Variants in ARHGAP25 observed in about 807,000 individuals in gnomAD.
ARHGAP25 encodes the protein Rho GTPase activating protein 25, also known as rho GTPase-activating protein 25.
ARHGAP25 carries 34 observed loss-of-function variants against 71.0 expected under a neutral mutation model. That is an observed-to-expected ratio of 0.48 (90% CI 0.36 to 0.64). ARHGAP25 has a LOEUF of 0.64. ARHGAP25 is among the 30% of genes least tolerant of loss of function. The pLI, the probability that ARHGAP25 is intolerant of heterozygous loss-of-function variation, is 0.00. For synonymous variants in ARHGAP25, 282 were observed against 296.5 expected (o/e 0.95, Z 0.50); for missense variants, 706 against 805.1 (o/e 0.88, Z 1.49).
At chr2:68,802,271 G>C (rs1447193354) in intron 4 of ARHGAP25, among the ~76,000 whole-genome samples, 1 of 151,930 alleles carries the variant, frequency 6.6e-6, no homozygotes, top group East Asian at 1.9e-4. Context: ...ATCCAGGTGT[G>C]GTGGCACGTG....
At chr2:68,801,538 A>G (rs1423424377) in intron 4 of ARHGAP25, among the ~76,000 whole-genome samples, 1 of 152,202 alleles carries the variant, frequency 6.6e-6, no homozygotes, top group Non-Finnish European at 1.5e-5. Context: ...TAAAATGTAA[A>G]GGCCATTGGT....
At position 68,767,259 on chromosome 2, in the gene ARHGAP25, A is replaced by G. The variant is rs1178993671; in HGVS notation, c.62-7962A>G. Among the ~76,000 whole-genome samples, 1 of 152,064 alleles carries G rather than the reference A, an allele frequency of 6.6e-6. No homozygotes were observed. The highest frequency in any genetic ancestry group is 6.5e-5 in the Admixed American group (1 of 15,270). ...TCAAAAGAATGATGGGTGCTTTTCA[A>G]TGGGGGGGTGGCGTTTGCTTTGAAG... On this transcript the variant is annotated intron_variant, in intron 1 of 10. Transcript: ENST00000409202. The surrounding 1 kb of genome is among the most constrained non-coding windows in gnomAD (Gnocchi z 4.6).
chr2:68,806,671 A>C (rs746810428), intron 4 of ARHGAP25, among the ~76,000 whole-genome samples: 1 of 152,246 alleles, frequency 6.6e-6, no homozygotes, highest in Non-Finnish European at 1.5e-5. Flanking sequence ...ACTCAGAATG[A>C]CATGCAATTT....
chr2:68,740,111 A>G (rs1573402221), intron 1 of ARHGAP25, among the ~76,000 whole-genome samples: 1 of 152,174 alleles, frequency 6.6e-6, no homozygotes, highest in African/African-American at 2.4e-5. Flanking sequence ...GGGCAGAGAC[A>G]AGGAAACAAC....
intron 2 of ARHGAP25, among the ~76,000 whole-genome samples, chr2:68,714,463 GTTTCTCC>G (rs1280842393): frequency 6.6e-6 from 1 of 152,028 alleles, no homozygotes; most frequent in Non-Finnish European, 1.5e-5. Context: ...TTGTTGAAGG[GTTTCTCC>G]TGTATCTATC....
chr2:68,734,519 C>T (rs905987917), upstream of ARHGAP25, among the ~76,000 whole-genome samples: 10 of 152,128 alleles, frequency 6.6e-5, no homozygotes, highest in African/African-American at 2.4e-4. Flanking sequence ...TGGGGGAATG[C>T]TTGTTGTTTT....
At chr2:68,783,284 A>G (rs747079689) in intron 3 of ARHGAP25, among the ~76,000 whole-genome samples, 1 of 152,222 alleles carries the variant, frequency 6.6e-6, no homozygotes, top group African/African-American at 2.4e-5. Context: ...AAGGAAATAA[A>G]TATGAAGCAT....
At chr2:68,735,613 C>T (rs1675173269) in intron 1 of ARHGAP25, 1 of 292,222 alleles carries the variant, frequency 3.4e-6, no homozygotes, top group African/African-American at 2.2e-5. Flanking sequence ...TGAACAGGAG[C>T]ACAAAGACTA....
At chr2:68,723,396 C>T (rs913594664) in intron 2 of ARHGAP25, among the ~76,000 whole-genome samples, 3 of 152,172 alleles carry the variant, frequency 2.0e-5, no homozygotes, top group Non-Finnish European at 2.9e-5. Context: ...AACCACATGC[C>T]GCTTAGCTGG....
At chr2:68,754,243 T>TTCTA (rs1676350841) in intron 1 of ARHGAP25, among the ~76,000 whole-genome samples, 1 of 152,178 alleles carries the variant, frequency 6.6e-6, no homozygotes, top group African/African-American at 2.4e-5. Context: ...TCTCATCTAT[T>TTCTA]TCTAGTCAGC....
chr2:68,813,163 T>C, intron 5 of ARHGAP25, 124 bp from the exon 6 acceptor site: 2 of 1,129,188 alleles, frequency 1.8e-6, no homozygotes, highest in South Asian at 1.7e-5. Context: ...ATCAGACTAC[T>C]CCTCTGCAAA....
chr2:68,825,699 T>C (rs1682070139), intron 10 of ARHGAP25, among the ~76,000 whole-genome samples: 1 of 152,004 alleles, frequency 6.6e-6, no homozygotes, highest in Non-Finnish European at 1.5e-5. Flanking sequence ...GGTGTGAACC[T>C]GGGAGGCGGA....
chr2:68,818,872 T>C (rs899744920), intron 8 of ARHGAP25, among the ~76,000 whole-genome samples: 2 of 152,238 alleles, frequency 1.3e-5, no homozygotes, highest in African/African-American at 4.8e-5. Flanking sequence ...CAAAAACTAA[T>C]CCAGTGGACT....
At chr2:68,781,760 A>T (rs1179893098) in intron 2 of ARHGAP25, among the ~76,000 whole-genome samples, 2 of 152,210 alleles carry the variant, frequency 1.3e-5, no homozygotes, top group Non-Finnish European at 2.9e-5. Flanking sequence ...TGAATAATAC[A>T]TTCAAGGTGG....
chr2:68,821,617 T>C (rs1174639090), intron 9 of ARHGAP25, among the ~76,000 whole-genome samples: 1 of 152,248 alleles, frequency 6.6e-6, no homozygotes, highest in African/African-American at 2.4e-5. Flanking sequence ...TCCTACAGTT[T>C]CACCAACAGA....
chr2:68,825,868 AGGTT>A, intron 10 of ARHGAP25, 115 bp from the exon 11 acceptor site: 1 of 783,028 alleles, frequency 1.3e-6, no homozygotes, highest in East Asian at 2.7e-5. Flanking sequence ...CATAGCTGAG[AGGTT>A]GGATAAGGGT....
rs547449061 is a variant in ARHGAP25, at chr2:68,713,304, CATCT to C, written c.-18+2607_-18+2610del. ...GGAGTTCACTCATGATTTGGTCCTC[CATCT>C]GTTATTGGTGTATAGGAATGCTTGT... On this transcript the variant is annotated intron_variant and NMD_transcript_variant, in intron 2 of 7. Transcript: ENST00000463483. Among the ~76,000 whole-genome samples, 483 of 151,580 alleles carry C rather than the reference CATCT, an allele frequency of 3.2e-3. 4 individuals are homozygous for C. Among genetic ancestry groups the C allele is most frequent in the African/African-American group, 0.011 (468 of 41,434 alleles).
At chr2:68,816,408 A>C in intron 7 of ARHGAP25, 46 bp downstream of exon 7, 1 of 1,474,988 alleles carries the variant, frequency 6.8e-7, no homozygotes, top group Non-Finnish European at 9.5e-7. Flanking sequence ...ACCCCATCAG[A>C]AAGAAGCTCC....
intron 10 of ARHGAP25, among the ~76,000 whole-genome samples, chr2:68,823,172 T>C (rs938339495): frequency 1.3e-5 from 2 of 151,452 alleles, no homozygotes; most frequent in Admixed American, 1.3e-4. Flanking sequence ...GAAATTAATT[T>C]TTTTTATGTT....
Sources: gnomAD v4.1 joint callset for allele counts (sites outside exome capture counted in the v4.1 genomes callset) on GRCh38, gnomAD v4.1.1 for gene constraint, Gnocchi (gnomAD v3.1) non-coding constraint, MANE v1.5 for transcripts, NCBI Gene and HGNC (gene_info 2026-07-23, HGNC 2026-07-21) for gene names.